The following THSD1 variants were observed in gnomAD, a reference collection of about 807,000 sequenced individuals.
The protein encoded by THSD1 is thrombospondin type 1 domain containing 1.
A neutral mutation model predicts 46.3 loss-of-function variants in THSD1; 34 were observed. That is an observed-to-expected ratio of 0.74 (90% CI 0.56 to 0.98). The LOEUF is 0.98. Ranked by LOEUF, THSD1 falls within the 50% of genes least tolerant of loss-of-function variation. The pLI, the probability that THSD1 is intolerant of heterozygous loss-of-function variation, is 0.00. For missense variants in THSD1, 1,023 were observed against 1,058.3 expected (o/e 0.97, Z 0.46); for synonymous variants, 407 against 416.5 (o/e 0.98, Z 0.28).
intron 4 of THSD1, among the ~76,000 whole-genome samples, chr13:52,380,543 T>A (rs1957683964): frequency 6.6e-6 from 1 of 150,976 alleles, no homozygotes; most frequent in Non-Finnish European, 1.5e-5. Context: ...ACCTCCTGGG[T>A]TCACGCCATT....
At chr13:52,388,357 T>C (rs1454372603) in intron 3 of THSD1, among the ~76,000 whole-genome samples, 1 of 152,180 alleles carries the variant, frequency 6.6e-6, no homozygotes, top group Non-Finnish European at 1.5e-5. Context: ...AATCTGCATT[T>C]ATATAAAGAA....
In THSD1 at chr13:52,377,931, G is replaced by T. The variant is rs200871911; in HGVS notation, c.2039C>A (p.Ala680Asp). The T allele has an allele frequency of 5.0e-6, 8 of 1,614,072 alleles. No individual in the cohort carries two copies. The South Asian group carries it at 6.6e-5, about 13-fold the overall frequency. ...MSTLTPRQAP[A>D]YSSRTRTCEQ... ...GCAGGTCCGCGTCCTAGAGCTGTAG[G>T]CAGGGGCCTGCCGTGGAGTCAGAGT... is the stretch of plus-strand genomic sequence containing the variant. The change falls in exon 5 of 5, where the codon GCC (alanine) becomes GAC (aspartate). Residue 680 changes from alanine (A) to aspartate (D), a missense_variant. By Grantham distance (126) the Ala-to-Asp change is moderately radical. Transcript: ENST00000258613.
At chr13:52,382,919 T>G (rs1373815116) in intron 4 of THSD1, among the ~76,000 whole-genome samples, 1 of 151,960 alleles carries the variant, frequency 6.6e-6, no homozygotes, top group Non-Finnish European at 1.5e-5. Context: ...GCAGAATCGC[T>G]TGAACCCAGG....
Position 52,402,637 on chromosome 13 carries a change from T to C in THSD1, c.-37A>G. The stretch of plus-strand genomic sequence containing the variant: ...AAATCCCAGGTCTTTAGTCTCCTCA[T>C]GTCCTTTCTCACGTCCAGATTGTGA... On this transcript the variant is annotated 5_prime_UTR_variant, in exon 2 of 5. An upstream start codon of the reference 5' UTR is lost. Coordinates refer to ENST00000258613, the MANE Select transcript of THSD1 (RefSeq NM_018676.4). The C allele has an allele frequency of 6.2e-7, 1 of 1,612,516 alleles. No homozygotes were observed. Among genetic ancestry groups the C allele is most frequent in the Non-Finnish European group, 8.5e-7 (1 of 1,179,296 alleles).
At chr13:52,404,043 G>A (rs1957887745) in intron 1 of THSD1, among the ~76,000 whole-genome samples, 1 of 143,570 alleles carries the variant, frequency 7.0e-6, no homozygotes, top group Non-Finnish European at 1.5e-5. Context: ...CACCTCCCAG[G>A]TTCAAGTGAT....
intron 4 of THSD1, among the ~76,000 whole-genome samples, chr13:52,385,374 G>A (rs1366080654): frequency 2.0e-5 from 3 of 152,138 alleles, no homozygotes; most frequent in Non-Finnish European, 4.4e-5. Flanking sequence ...CCACAAGCTG[G>A]GGCAAACCTA....
At chr13:52,396,872 C>T (rs925080148) in intron 3 of THSD1, among the ~76,000 whole-genome samples, 12 of 152,154 alleles carry the variant, frequency 7.9e-5, no homozygotes, top group African/African-American at 2.9e-4. Flanking sequence ...CTGCCATTAA[C>T]TTACCATATG....
chr13:52,378,912 G>A, intron 4 of THSD1, 123 bp from the exon 5 acceptor site: 2 of 1,114,300 alleles, frequency 1.8e-6, no homozygotes, highest in East Asian at 2.7e-5. Context: ...GCCCAGGCTG[G>A]AGTGCAATGG....
At chr13:52,393,382 A>G (rs1019744468) in intron 3 of THSD1, among the ~76,000 whole-genome samples, 3 of 152,268 alleles carry the variant, frequency 2.0e-5, no homozygotes, top group Admixed American at 1.3e-4. Flanking sequence ...TTTGCTATCA[A>G]TTGTTATTTA....
intron 3 of THSD1, among the ~76,000 whole-genome samples, chr13:52,396,992 T>G (rs749423751): frequency 6.6e-6 from 1 of 152,208 alleles, no homozygotes; most frequent in Non-Finnish European, 1.5e-5. Flanking sequence ...TCTCCACGAC[T>G]CTGAAGTATG....
Position 52,397,925 on chromosome 13 carries a change from T to C in THSD1, c.328A>G (p.Asn110Asp), listed in dbSNP as rs764768152. The change falls in exon 3 of 5, where the codon AAC (asparagine) becomes GAC (aspartate). Residue 110 changes from asparagine (N) to aspartate (D), a missense_variant. Asn to Asp is a conservative substitution (Grantham distance 23). Transcript: ENST00000258613. ...WFTMTPEATDNSTPFPWWEKS... is the reference protein window; with the variant it reads ...WFTMTPEATDDSTPFPWWEKS... ...TCCCACCAGGGGAATGGAGTGCTGT[T>C]GTCTGTTGCTTCTGGAGTCATTGTG... The C allele has an allele frequency of 1.9e-6, 3 of 1,614,282 alleles. No individual in the cohort carries two copies. The highest frequency in any genetic ancestry group is 2.5e-6 in the Non-Finnish European group (3 of 1,180,054).
chr13:52,394,994 T>C (rs561956013), intron 3 of THSD1, among the ~76,000 whole-genome samples: 3 of 152,124 alleles, frequency 2.0e-5, no homozygotes, highest in African/African-American at 7.2e-5. Flanking sequence ...AAGTGGAGAC[T>C]TGAAGGATGG....
intron 2 of THSD1, among the ~76,000 whole-genome samples, chr13:52,401,282 G>A (rs1957858092): frequency 6.8e-6 from 1 of 148,004 alleles, no homozygotes. Flanking sequence ...CAGAGTAATC[G>A]GTTTTTAAGA....
intron 3 of THSD1, among the ~76,000 whole-genome samples, chr13:52,386,648 C>T (rs965394673): frequency 6.6e-6 from 1 of 152,178 alleles, no homozygotes; most frequent in Non-Finnish European, 1.5e-5. Context: ...CTCTTCTCCA[C>T]AGATCTCATC....
In THSD1 at chr13:52,392,987, A is replaced by T. The variant is rs1957784391; in HGVS notation, c.1021+4245T>A. Among the ~76,000 whole-genome samples, 3 of 152,146 alleles carry T rather than the reference A, an allele frequency of 2.0e-5. No homozygotes were observed. In the South Asian group the frequency reaches 6.2e-4, roughly 32 times the overall value. ...TGAAACAGTAAGTTAAGGAGGAAAA[A>T]ACAGAGCCTTTTTTTTTTCAATCTA... On this transcript the variant is annotated intron_variant, in intron 3 of 4. Transcript: ENST00000258613.
In THSD1 at chr13:52,378,543, C is replaced by A. The variant is rs766429958; in HGVS notation, c.1427G>T (p.Gly476Val). The change falls in exon 5 of 5, where the codon GGG (glycine) becomes GTG (valine). Residue 476 changes from glycine to valine, a missense_variant. Gly to Val is a moderately radical substitution (Grantham distance 109). Coordinates refer to ENST00000258613, the MANE Select transcript of THSD1 (RefSeq NM_018676.4). ...CCCGTCTCCCCCATCCGAGAAGCTC[C>A]CGCGCTGCTCGCTCAGCTCGCAGAT... ...ENICELSEQR[G>V]SFSDGGDGPT... 1.4e-5 allele frequency: 22 copies of A among 1,614,196 alleles called. No individual in the cohort carries two copies. Among genetic ancestry groups the A allele is most frequent in the Non-Finnish European group, 1.8e-5 (21 of 1,180,044 alleles).
At chr13:52,390,032 C>T (rs1162759588) in intron 3 of THSD1, among the ~76,000 whole-genome samples, 2 of 151,004 alleles carry the variant, frequency 1.3e-5, no homozygotes, top group African/African-American at 2.4e-5. Flanking sequence ...ACCAGCTACT[C>T]GGGAGACTGA....
intron 2 of THSD1, among the ~76,000 whole-genome samples, chr13:52,402,320 T>A (rs1370699373): frequency 6.6e-6 from 1 of 152,242 alleles, no homozygotes; most frequent in Non-Finnish European, 1.5e-5. Context: ...TTGGTTTTTT[T>A]ATTTTTTTAA....
rs754338227 is a variant in THSD1 at position 52,397,981 on chromosome 13, A to G, written c.272T>C (p.Phe91Ser). 22 of 1,614,232 alleles carry G rather than the reference A, an allele frequency of 1.4e-5. No individual in the cohort carries two copies. The highest frequency in any genetic ancestry group is 1.9e-5 in the Non-Finnish European group (22 of 1,180,038). ...GTAGTCACCAGCCTCCTTGAAATAG[A>G]AGCACTCAAACTTTAGTGTTCCCTG... Reference protein sequence around the residue: ...QSQGTLKFECFYFKEAGDYWF... With the variant: ...QSQGTLKFECSYFKEAGDYWF... Residue 91 changes from phenylalanine to serine, a missense_variant, in exon 3 of 5, where the codon TTC (phenylalanine) becomes TCC (serine). Transcript: ENST00000258613.
Sources: gnomAD v4.1 joint callset for allele counts (sites outside exome capture counted in the v4.1 genomes callset) on GRCh38, gnomAD v4.1.1 for gene constraint, MANE v1.5 for transcripts, NCBI Gene and HGNC (gene_info 2026-07-23, HGNC 2026-07-21) for gene names.